The following CHD6 variants were observed in gnomAD, a reference collection of about 807,000 sequenced individuals.
CHD6 encodes the protein chromodomain helicase DNA binding protein 6, also known as ATP-dependent chromatin remodeler CHD6.
CHD6 carries 50 observed loss-of-function variants against 276.9 expected under a neutral mutation model. The ratio of observed to expected loss-of-function variants is 0.18; its 90% confidence interval spans 0.14 to 0.23. The LOEUF is 0.23. CHD6 is among the 10% of genes least tolerant of loss of function. The pLI is 1.00. For synonymous variants in CHD6, 1,173 were observed against 1,229.3 expected, an observed-to-expected ratio of 0.95 and a Z score of 0.96; for missense variants, 2,564 against 3,365.8, an observed-to-expected ratio of 0.76 and a Z score of 5.89.
At chr20:41,597,375 G>A (rs2146277097) in intron 1 of CHD6, among the ~76,000 whole-genome samples, 1 of 152,270 alleles carries the variant, frequency 6.6e-6, no homozygotes, top group South Asian at 2.1e-4. Context: ...TTGAGACAAA[G>A]GATCAGTTTC....
intron 8 of CHD6, chr20:41,496,718 T>C (rs1473108289): frequency 6.6e-6 from 1 of 152,260 alleles, no homozygotes; most frequent in Non-Finnish European, 1.5e-5. Context: ...CTTGTTGCAT[T>C]ATTTCTATAT....
At chr20:41,553,377 T>C (rs1347356385) in intron 1 of CHD6, among the ~76,000 whole-genome samples, 1 of 152,260 alleles carries the variant, frequency 6.6e-6, no homozygotes, top group Non-Finnish European at 1.5e-5. Context: ...TAACTCTTTG[T>C]CAGGCCCTGT....
chr20:41,422,701 A>T (rs1307479623), intron 30 of CHD6, among the ~76,000 whole-genome samples: 1 of 152,196 alleles, frequency 6.6e-6, no homozygotes, highest in Non-Finnish European at 1.5e-5. Flanking sequence ...AGGATAAGGA[A>T]ATTGGCTCAG....
At chr20:41,426,066 T>C (rs775331384) in intron 28 of CHD6, 27 bp downstream of exon 28, 16 of 1,523,472 alleles carry the variant, frequency 1.1e-5, no homozygotes, top group Middle Eastern at 1.7e-4. Context: ...CTTACTTTCC[T>C]ATGCCTTCAG....
intron 2 of CHD6, among the ~76,000 whole-genome samples, chr20:41,538,233 C>T (rs1193866725): frequency 2.6e-5 from 4 of 152,146 alleles, no homozygotes; most frequent in African/African-American, 7.2e-5. Flanking sequence ...CGCCTGTAAT[C>T]CCAGCTACTT....
At chr20:41,444,533 C>T (rs772500834) in intron 25 of CHD6, among the ~76,000 whole-genome samples, 4 of 152,196 alleles carry the variant, frequency 2.6e-5, no homozygotes, top group Non-Finnish European at 5.9e-5. Context: ...AGCCTGCATT[C>T]TCAATACCAG....
At position 41,505,364 on chromosome 20, in the gene CHD6, G is replaced by A. The variant is rs137972783; in HGVS notation, c.853-6007C>T. ...TCTCTTGAGGAAATCCCCTTGCTTTGGGGATTTCTTTAGTTTCCAAACACT... is the reference window on the plus strand; with the variant it reads ...TCTCTTGAGGAAATCCCCTTGCTTTAGGGATTTCTTTAGTTTCCAAACACT... On this transcript the variant is annotated intron_variant, in intron 5 of 36. Coordinates refer to ENST00000373233, the MANE Select transcript of CHD6 (RefSeq NM_032221.5). 5.3e-4 allele frequency among the ~76,000 whole-genome samples: 80 copies of A among 152,168 alleles called. No individual in the cohort carries two copies. In the East Asian group the frequency reaches 0.012, roughly 24 times the overall value.
intron 5 of CHD6, among the ~76,000 whole-genome samples, chr20:41,508,046 A>G (rs1248998707): frequency 6.6e-6 from 1 of 152,226 alleles, no homozygotes; most frequent in Non-Finnish European, 1.5e-5. Flanking sequence ...GTAAATGCTA[A>G]TTGGTTAAAC....
intron 1 of CHD6, among the ~76,000 whole-genome samples, chr20:41,588,798 C>T (rs977993970): frequency 6.6e-6 from 1 of 152,126 alleles, no homozygotes; most frequent in African/African-American, 2.4e-5. Context: ...TCTAAGGACC[C>T]TGATCTCCCC....
Position 41,455,897 on chromosome 20 carries a change from C to A in CHD6, c.2912G>T (p.Gly971Val). The A allele has an allele frequency of 6.2e-7, 1 of 1,612,478 alleles. No homozygotes were observed. Among genetic ancestry groups the A allele is most frequent in the Non-Finnish European group, 8.5e-7 (1 of 1,179,368 alleles). The change falls in exon 19 of 37, where the codon GGC (glycine) becomes GTC (valine). Residue 971 changes from glycine (G) to valine (V), a missense_variant. By Grantham distance (109) the Gly-to-Val change is moderately radical. This residue lies in a region of CHD6 where 19 missense variants were observed against 74.7 expected (regional missense o/e 0.25). Coordinates refer to ENST00000373233, the MANE Select transcript of CHD6 (RefSeq NM_032221.5). ...YGALMDEEDE[G>V]SKFCEEDIDQ... is the part of the protein sequence containing the mutation. ...TATGTCTTCTTCACAGAACTTGGAG[C>A]CTTCATCTTCTTCATCCATTAAGGC...
chr20:41,539,432 T>C (rs2044897228), intron 2 of CHD6, among the ~76,000 whole-genome samples: 1 of 152,126 alleles, frequency 6.6e-6, no homozygotes, highest in Admixed American at 6.5e-5. Flanking sequence ...AGCCACAAGG[T>C]GTCTGCCAGT....
Position 41,425,435 on chromosome 20 carries a change from C to T in CHD6, c.4130-41G>A, listed in dbSNP as rs367694467. On this transcript the variant is annotated intron_variant, in intron 28 of 36. Coordinates refer to ENST00000373233, the MANE Select transcript of CHD6 (RefSeq NM_032221.5). The stretch of plus-strand genomic sequence containing the variant: ...AGGATATTAGTATTTACAAACAGAA[C>T]TAAAACAGGAGTGACTGTCTTTTGG... The T allele has an allele frequency of 3.4e-5, 53 of 1,549,614 alleles. No homozygotes were observed. The African/African-American group carries it at 6.9e-4, about 20-fold the overall frequency.
chr20:41,556,022 G>A (rs2045229727), intron 1 of CHD6, among the ~76,000 whole-genome samples: 1 of 152,252 alleles, frequency 6.6e-6, no homozygotes, highest in Admixed American at 6.5e-5. Context: ...GGCCGAGGCT[G>A]GCGGATCACT....
intron 1 of CHD6, among the ~76,000 whole-genome samples, chr20:41,606,855 T>G (rs2146297866): frequency 6.6e-6 from 1 of 152,288 alleles, no homozygotes; most frequent in Middle Eastern, 3.4e-3. Context: ...TTACTGTTTG[T>G]AGCCTGGGTA....
chr20:41,504,403 C>CTTTTTT (rs200549678), intron 5 of CHD6, among the ~76,000 whole-genome samples: 68 of 109,938 alleles, frequency 6.2e-4, no homozygotes, highest in East Asian at 8.2e-4. Context: ...CCTCTATTTT[C>CTTTTTT]TTTTTTTTTT....
At chr20:41,512,806 C>T in intron 5 of CHD6, 40 bp downstream of exon 5, 3 of 1,609,802 alleles carry the variant, frequency 1.9e-6, no homozygotes, top group South Asian at 2.2e-5. Flanking sequence ...GTCAAAATGA[C>T]TGTCCAGCCA....
intron 1 of CHD6, among the ~76,000 whole-genome samples, chr20:41,595,365 T>C (rs1346349174): frequency 6.6e-6 from 1 of 152,118 alleles, no homozygotes; most frequent in African/African-American, 2.4e-5. Flanking sequence ...GGTCACCTCA[T>C]ACAGCTTAAG....
chr20:41,462,128 G>C (rs1442956656), intron 17 of CHD6, among the ~76,000 whole-genome samples: 2 of 152,182 alleles, frequency 1.3e-5, no homozygotes, highest in African/African-American at 4.8e-5. Flanking sequence ...GTGTTTGTGT[G>C]TGTAGAGTGT....
chr20:41,605,620 C>G (rs1318666250), intron 1 of CHD6, among the ~76,000 whole-genome samples: 1 of 152,126 alleles, frequency 6.6e-6, no homozygotes, highest in East Asian at 1.9e-4. Flanking sequence ...GAGTTTTACA[C>G]AAATACCAAG....
Sources: allele counts gnomAD v4.1 joint callset (sites outside exome capture counted in the v4.1 genomes callset), GRCh38; gene constraint gnomAD v4.1.1; regional missense constraint gnomAD v4.1.1; transcripts MANE v1.5; gene names NCBI Gene and HGNC (gene_info 2026-07-23, HGNC 2026-07-21).